The following EMP2 variants were observed in gnomAD, a reference collection of about 807,000 sequenced individuals.
The protein encoded by EMP2 is epithelial membrane protein 2.
In EMP2, 19 loss-of-function variants were observed where a neutral mutation model predicts 13.7. The ratio of observed to expected loss-of-function variants is 1.38; its 90% confidence interval spans 0.97 to 2.03. EMP2 has a LOEUF of 2.03. Ranked by LOEUF, EMP2 falls within the 30% of genes most tolerant of loss-of-function variation. The probability of loss-of-function intolerance (pLI) is 0.00; values close to 1 mark genes in which losing one functional copy is unlikely to be tolerated. For missense variants in EMP2, 253 were observed against 220.7 expected (o/e 1.15, Z -0.93); for synonymous variants, 97 against 84.7 (o/e 1.15, Z -0.80).
At chr16:10,537,275 G>GA (rs1453900910) in intron 4 of EMP2, among the ~76,000 whole-genome samples, 2 of 152,096 alleles carry the variant, frequency 1.3e-5, no homozygotes. Context: ...TTCCTAAGTA[G>GA]AAAAAAATGC....
intron 1 of EMP2, among the ~76,000 whole-genome samples, chr16:10,573,578 G>A (rs140064518): frequency 2.6e-4 from 40 of 152,218 alleles, no homozygotes; most frequent in Non-Finnish European, 5.6e-4. Context: ...CCTCACACCT[G>A]CACAACCTCC....
chr16:10,549,883 C>CTTTTTTTTTTTTTTTTTTTTTTTT (rs59259895), intron 1 of EMP2, among the ~76,000 whole-genome samples: 5 of 112,272 alleles, frequency 4.5e-5, no homozygotes, highest in East Asian at 2.3e-4. Context: ...TTTTCTTTTT[C>CTTTTTTTTTTTTTTTTTTTTTTTT]TTTTTTTTTT....
intron 1 of EMP2, chr16:10,576,472 G>A (rs1365978439): frequency 6.6e-6 from 1 of 151,970 alleles, no homozygotes; most frequent in Non-Finnish European, 1.5e-5. Flanking sequence ...TCTGCACTGA[G>A]ACGCTTGGCT....
intron 1 of EMP2, among the ~76,000 whole-genome samples, chr16:10,561,778 T>C (rs958602911): frequency 2.6e-5 from 4 of 152,182 alleles, no homozygotes; most frequent in Non-Finnish European, 5.9e-5. Context: ...GTCTTCCTTA[T>C]AGATGGTGCT....
intron 1 of EMP2, among the ~76,000 whole-genome samples, chr16:10,560,674 G>A (rs1038126529): frequency 1.3e-5 from 2 of 152,228 alleles, no homozygotes; most frequent in African/African-American, 4.8e-5. Flanking sequence ...GACACTTGTG[G>A]TGTGATTGGC....
At chr16:10,541,630 G>A (rs2050699594) in intron 3 of EMP2, among the ~76,000 whole-genome samples, 1 of 152,210 alleles carries the variant, frequency 6.6e-6, no homozygotes, top group Non-Finnish European at 1.5e-5. Flanking sequence ...GGGGCTTGCA[G>A]AGCTCAGGGA....
chr16:10,566,010 G>A (rs1450371142), intron 1 of EMP2, among the ~76,000 whole-genome samples: 3 of 152,178 alleles, frequency 2.0e-5, no homozygotes, highest in Non-Finnish European at 4.4e-5. Flanking sequence ...AGGCGCTGGT[G>A]TGACCATGAG....
rs2050749710 is a variant in EMP2, at chr16:10,547,611, C to G, written c.7G>C (p.Val3Leu). 6.2e-7 allele frequency: 1 copy of G among 1,613,948 alleles called. No homozygotes were observed. The highest frequency in any genetic ancestry group is 1.3e-5 in the African/African-American group (1 of 74,896). The change falls in exon 2 of 5, where the codon GTG (valine) becomes CTG (leucine). Residue 3 changes from valine (V) to leucine (L), a missense_variant. Physicochemically the swap from Val to Leu is conservative, Grantham distance 32. Coordinates refer to ENST00000359543, the MANE Select transcript of EMP2 (RefSeq NM_001424.6). ML[V>L]LLAFIIAFHI... Reference sequence around the variant, plus strand: ...AAGGCGATGATGAAAGCAAGAAGCACCAACATTTTCACAGGGCAGGGCGAG... The same window carrying G: ...AAGGCGATGATGAAAGCAAGAAGCAGCAACATTTTCACAGGGCAGGGCGAG...
In EMP2 at chr16:10,535,380, G is replaced by T. The variant is rs145717334; in HGVS notation, c.317-2288C>A. Reference sequence around the variant, plus strand: ...AAAATTCCTAAATACATATATTAGGGTAATCAATTTTGACTAAGCAGGCTT... The same window carrying T: ...AAAATTCCTAAATACATATATTAGGTTAATCAATTTTGACTAAGCAGGCTT... On this transcript the variant is annotated intron_variant, in intron 4 of 4. Coordinates refer to ENST00000359543, the MANE Select transcript of EMP2 (RefSeq NM_001424.6). 4.7e-3 allele frequency among the ~76,000 whole-genome samples: 717 copies of T among 152,090 alleles called. 3 individuals carry two copies. Among genetic ancestry groups the T allele is most frequent in the Non-Finnish European group, 7.9e-3 (540 of 67,990 alleles).
chr16:10,561,954 C>G (rs992479395), intron 1 of EMP2, among the ~76,000 whole-genome samples: 14 of 152,152 alleles, frequency 9.2e-5, no homozygotes, highest in African/African-American at 3.4e-4. Context: ...GGAGGAAACT[C>G]CAGGCCCAGA....
In EMP2 at chr16:10,532,837, A is replaced by G. The variant is rs1182435591; in HGVS notation, c.*68T>C. ...GCTAGAAAAACCTCAAAAAATAATG[A>G]TTATATACAAAATGGTTATCTGAAT... On this transcript the variant is annotated 3_prime_UTR_variant, in exon 5 of 5. Transcript: ENST00000359543. 74 of 1,059,466 alleles carry G rather than the reference A, an allele frequency of 7.0e-5. No homozygotes were observed. The highest frequency in any genetic ancestry group is 2.3e-5 in the Non-Finnish European group (19 of 834,470). The allele number at this position is 1,059,466 out of a possible 1,614,324, so 65.6% of individuals were successfully genotyped here.
intron 3 of EMP2, among the ~76,000 whole-genome samples, chr16:10,538,936 C>T (rs1240171401): frequency 3.3e-5 from 5 of 152,066 alleles, no homozygotes; most frequent in Admixed American, 3.3e-4. Flanking sequence ...CTGCCTCAGC[C>T]TCCTGTGTAG....
chr16:10,572,348 G>A (rs1163134787), intron 1 of EMP2, among the ~76,000 whole-genome samples: 1 of 151,978 alleles, frequency 6.6e-6, no homozygotes, highest in African/African-American at 2.4e-5. Flanking sequence ...TCAGGAGGCT[G>A]AGGACAGAGG....
intron 4 of EMP2, among the ~76,000 whole-genome samples, chr16:10,534,567 ACCAG>A (rs2050632912): frequency 6.6e-6 from 1 of 152,112 alleles, no homozygotes; most frequent in African/African-American, 2.4e-5. Context: ...GGAGCTCGAG[ACCAG>A]CCTGGCCAAC....
intron 1 of EMP2, among the ~76,000 whole-genome samples, chr16:10,566,263 A>G (rs1207186468): frequency 6.6e-6 from 1 of 152,252 alleles, no homozygotes; most frequent in East Asian, 1.9e-4. Context: ...TATTTTAAAA[A>G]GAAATCTTTT....
rs766666443 is a variant in EMP2, at chr16:10,547,647, G to A, written c.-30C>T. Reference sequence around the variant, plus strand: ...ACAGGGCAGGGCGAGTCGAGGCGAGGGGTCACGTTTAAAGCCCAGAGCGGG... The same window carrying A: ...ACAGGGCAGGGCGAGTCGAGGCGAGAGGTCACGTTTAAAGCCCAGAGCGGG... On this transcript the variant is annotated 5_prime_UTR_variant, in exon 2 of 5. Transcript: ENST00000359543. 1 of 1,612,310 alleles carries A rather than the reference G, an allele frequency of 6.2e-7. No homozygotes were observed. The highest frequency in any genetic ancestry group is 1.1e-5 in the South Asian group (1 of 90,910).
intron 4 of EMP2, among the ~76,000 whole-genome samples, 161 bp from the exon 5 acceptor site, chr16:10,533,253 G>C (rs1314723158): frequency 6.6e-6 from 1 of 152,152 alleles, no homozygotes; most frequent in South Asian, 2.1e-4. Context: ...ACCCAGGCTG[G>C]TCTTGAACTC....
rs542204137 is a variant in EMP2 at position 10,530,901 on chromosome 16, T to C, written c.*2004A>G. The C allele has an allele frequency of 6.6e-6, 1 of 152,340 alleles. No individual in the cohort carries two copies. Among genetic ancestry groups the C allele is most frequent in the South Asian group, 2.1e-4 (1 of 4,820 alleles). 9.4% of individuals were successfully genotyped at this position (152,340 alleles called of 1,614,324 possible). On this transcript the variant is annotated 3_prime_UTR_variant, in exon 5 of 5. Transcript: ENST00000359543. The stretch of plus-strand genomic sequence containing the variant: ...CTATATTTAGACTGATCTAAATACC[T>C]AAATGCCTCCAGGAGCATTTAATAA...
At chr16:10,577,032 A>G (rs2050988679) in intron 1 of EMP2, among the ~76,000 whole-genome samples, 2 of 152,268 alleles carry the variant, frequency 1.3e-5, no homozygotes, top group African/African-American at 2.4e-5. Flanking sequence ...GACACGTGCT[A>G]TAAGGGTCCC....
Sources: allele counts gnomAD v4.1 joint callset (sites outside exome capture counted in the v4.1 genomes callset), GRCh38; gene constraint gnomAD v4.1.1; transcripts MANE v1.5; gene names NCBI Gene and HGNC (gene_info 2026-07-23, HGNC 2026-07-21).